Variants in MFAP3L observed in about 807,000 individuals in gnomAD.
The protein encoded by MFAP3L is microfibril associated protein 3 like.
In MFAP3L, 5 loss-of-function variants were observed where a neutral mutation model predicts 20.0. The observed-to-expected ratio is 0.25, with a 90% CI of 0.13 to 0.53. The LOEUF (loss-of-function observed/expected upper bound fraction) is 0.53, where lower values mean the gene tolerates loss of function less well. Ranked by LOEUF, MFAP3L falls within the 20% of genes least tolerant of loss-of-function variation. The pLI, the probability that MFAP3L is intolerant of heterozygous loss-of-function variation, is 0.96. For missense variants in MFAP3L, 409 were observed against 527.5 expected (o/e 0.78, Z 2.20); for synonymous variants, 219 against 213.0 (o/e 1.03, Z -0.25).
rs1361817415 is a variant in MFAP3L, at chr4:169,988,735, A to G, written c.*2643T>C. 2 of 152,202 alleles carry G rather than the reference A, an allele frequency of 1.3e-5. No individual in the cohort carries two copies. Among genetic ancestry groups the G allele is most frequent in the African/African-American group, 4.8e-5 (2 of 41,460 alleles). 9.4% of individuals were successfully genotyped at this position (152,202 alleles called of 1,614,324 possible). A position where few individuals can be genotyped will look rare whatever the true frequency, so the allele number is the denominator to read the frequency against. On this transcript the variant is annotated 3_prime_UTR_variant, in exon 3 of 3. Coordinates refer to ENST00000361618, the MANE Select transcript of MFAP3L (RefSeq NM_021647.8). ...TTTGGAAGGAGAAATTCCCATTTTA[A>G]GTCAACCTCCCTTTATGTCAGTTGT... is the stretch of plus-strand genomic sequence containing the variant.
intron 1 of MFAP3L, among the ~76,000 whole-genome samples, chr4:170,021,837 T>C (rs1057246629): frequency 9.2e-5 from 14 of 152,328 alleles, no homozygotes; most frequent in African/African-American, 2.9e-4. Context: ...GTATTATAGC[T>C]GTCAACTCCC....
chr4:170,007,465 T>C (rs1739118511), intron 1 of MFAP3L, among the ~76,000 whole-genome samples: 1 of 152,212 alleles, frequency 6.6e-6, no homozygotes, highest in South Asian at 2.1e-4. Flanking sequence ...CCACCTTCGC[T>C]GGCTGTGTGT....
At position 169,992,181 on chromosome 4, in the gene MFAP3L, T is replaced by C. The variant is rs370619460; in HGVS notation, c.427A>G (p.Ile143Val). 2 of 1,614,120 alleles carry C rather than the reference T, an allele frequency of 1.2e-6. No individual in the cohort carries two copies. Among genetic ancestry groups the C allele is most frequent in the Non-Finnish European group, 1.7e-6 (2 of 1,180,022 alleles). The change falls in exon 3 of 3, where the codon ATC becomes GTC. Residue 143 changes from isoleucine (I) to valine (V), a missense_variant. Ile to Val is a conservative substitution (Grantham distance 29). Coordinates refer to ENST00000361618, the MANE Select transcript of MFAP3L (RefSeq NM_021647.8). The surrounding 1 kb of genome is among the most constrained non-coding windows in gnomAD (Gnocchi z 4.3). ...TVNNTVTLRV[I>V]FTSGDMGVYY... ...ACACCCATGTCTCCAGAAGTGAAGATGACGCGCAAGGTCACCGTGTTGTTC... is the reference window on the plus strand; with the variant it reads ...ACACCCATGTCTCCAGAAGTGAAGACGACGCGCAAGGTCACCGTGTTGTTC...
intron 2 of MFAP3L, among the ~76,000 whole-genome samples, chr4:169,999,109 G>C (rs6836701): frequency 0.19 from 29,063 of 152,180 alleles, 5,153 homozygotes; most frequent in African/African-American, 0.48. Flanking sequence ...CAGAAGATGA[G>C]AGCTCCTTGA....
chr4:170,013,851 C>T (rs1335887705), intron 1 of MFAP3L, among the ~76,000 whole-genome samples: 1 of 152,160 alleles, frequency 6.6e-6, no homozygotes, highest in East Asian at 1.9e-4. Flanking sequence ...AGTGGCACCA[C>T]CATGGCTCAT....
At chr4:170,026,646 G>C (rs375087738), upstream of MFAP3L, among the ~76,000 whole-genome samples, 1 of 151,150 alleles carries the variant, frequency 6.6e-6, no homozygotes, top group Non-Finnish European at 1.5e-5. Flanking sequence ...CTCTGGGCCG[G>C]GCCTCGGCGG....
Position 170,001,899 on chromosome 4 carries a change from A to T in MFAP3L, c.298+3681T>A. 3 of 983,794 alleles carry T rather than the reference A, an allele frequency of 3.0e-6. No individual in the cohort carries two copies. In the South Asian group the frequency reaches 1.4e-4, roughly 46 times the overall value. The allele number at this position is 983,794 out of a possible 1,614,324, so 60.9% of individuals were successfully genotyped here. A position where few individuals can be genotyped will look rare whatever the true frequency, so the allele number is the denominator to read the frequency against. ...AAGCAAACCAGCTGCTGCTCCTGCC[A>T]ATGACAGGAAATAGCCCCATTCTCT... is the stretch of plus-strand genomic sequence containing the variant. On this transcript the variant is annotated intron_variant, in intron 2 of 2. Transcript: ENST00000361618.
At chr4:170,004,013 G>C (rs536133926) in intron 2 of MFAP3L, among the ~76,000 whole-genome samples, 1 of 152,322 alleles carries the variant, frequency 6.6e-6, no homozygotes, top group Non-Finnish European at 1.5e-5. Flanking sequence ...CTGTAGTGCA[G>C]TGGCGTGATC....
At chr4:170,014,109 G>A (rs939548445) in intron 1 of MFAP3L, among the ~76,000 whole-genome samples, 12 of 152,112 alleles carry the variant, frequency 7.9e-5, no homozygotes, top group Non-Finnish European at 1.8e-4. Context: ...ACCTAAGCTG[G>A]TACAGAAGCA....
At position 169,991,333 on chromosome 4, in the gene MFAP3L, G is replaced by A. The variant is rs1737647173; in HGVS notation, c.*45C>T. 2 of 1,569,334 alleles carry A rather than the reference G, an allele frequency of 1.3e-6. No homozygotes were observed. The highest frequency in any genetic ancestry group is 1.7e-6 in the Non-Finnish European group (2 of 1,154,162). The stretch of plus-strand genomic sequence containing the variant: ...GCGTACTACATCTGTATTACAAGGA[G>A]CAGCCCCTGATTTTCTTGATATGCA... On this transcript the variant is annotated 3_prime_UTR_variant, in exon 3 of 3. Transcript: ENST00000361618. This position sits in a 1 kb window ranked among gnomAD's most constrained non-coding sequence, Gnocchi z 4.9.
chr4:170,016,494 C>T (rs1004904248), intron 1 of MFAP3L, among the ~76,000 whole-genome samples: 27 of 152,198 alleles, frequency 1.8e-4, no homozygotes, highest in African/African-American at 6.5e-4. Flanking sequence ...GAAACCGTGC[C>T]CACCCCATCA....
chr4:170,005,470 A>G, intron 2 of MFAP3L, 110 bp downstream of exon 2: 8 of 1,223,332 alleles, frequency 6.5e-6, no homozygotes, highest in Non-Finnish European at 9.2e-6. Flanking sequence ...AAAACAAGAC[A>G]AGATGAGATC....
chr4:170,003,509 A>T (rs1738823270), intron 2 of MFAP3L, among the ~76,000 whole-genome samples: 1 of 152,194 alleles, frequency 6.6e-6, no homozygotes. Context: ...AAGATACCAC[A>T]TATGTATCTC....
At chr4:170,003,625 G>A (rs1490697830) in intron 2 of MFAP3L, 2 of 920,542 alleles carry the variant, frequency 2.2e-6, no homozygotes, top group South Asian at 5.0e-5. Flanking sequence ...CTCTAGGACT[G>A]AGGAGTTCAG....
intron 2 of MFAP3L, chr4:169,997,622 C>T (rs1298910982): frequency 2.7e-6 from 2 of 729,768 alleles, no homozygotes; most frequent in African/African-American, 1.9e-5. Flanking sequence ...ACTTTTTCAA[C>T]TCTCAGGTTG....
chr4:170,026,788 C>T (rs1296615570), upstream of MFAP3L: 1 of 152,270 alleles, frequency 6.6e-6, no homozygotes. Flanking sequence ...TCAAGGACAC[C>T]CAGGAAAAGG....
intron 2 of MFAP3L, chr4:170,005,180 T>C (rs1738949451): frequency 5.2e-6 from 1 of 190,996 alleles, no homozygotes. Flanking sequence ...CCACGGCCAA[T>C]GAATTAAATG....
At chr4:170,010,352 C>T (rs1017443324) in intron 1 of MFAP3L, among the ~76,000 whole-genome samples, 1 of 152,172 alleles carries the variant, frequency 6.6e-6, no homozygotes, top group Non-Finnish European at 1.5e-5. Flanking sequence ...CCACCTAACA[C>T]CTTTCAGGAT....
intron 1 of MFAP3L, chr4:170,006,554 T>C (rs1445942351): frequency 6.6e-6 from 1 of 152,262 alleles, no homozygotes; most frequent in Non-Finnish European, 1.5e-5. Context: ...ATTAAATTTA[T>C]ATATTGCTTC....
Sources: gnomAD v4.1 joint callset for allele counts (sites outside exome capture counted in the v4.1 genomes callset) on GRCh38, gnomAD v4.1.1 for gene constraint, Gnocchi (gnomAD v3.1) non-coding constraint, MANE v1.5 for transcripts, NCBI Gene and HGNC (gene_info 2026-07-23, HGNC 2026-07-21) for gene names.